NKAIN2: variants seen among roughly 807,000 people sequenced by gnomAD.
NKAIN2 encodes sodium/potassium-transporting ATPase subunit beta-1-interacting protein 2.
Under a neutral mutation model 32.6 loss-of-function variants are expected in NKAIN2, and 14 were observed. The ratio of observed to expected loss-of-function variants is 0.43; its 90% CI spans 0.28 to 0.67. The LOEUF is 0.67. Ranked by LOEUF, NKAIN2 falls within the 30% of genes least tolerant of loss-of-function variation. The pLI is 0.17. For synonymous variants in NKAIN2, 80 were observed against 87.2 expected, an observed-to-expected ratio of 0.92 and a Z score of 0.46; for missense variants, 198 against 258.3, an observed-to-expected ratio of 0.77 and a Z score of 1.60.
At chr6:124,627,126 T>C (rs528527398) in intron 3 of NKAIN2, among the ~76,000 whole-genome samples, 1 of 151,864 alleles carries the variant, frequency 6.6e-6, no homozygotes, top group African/African-American at 2.4e-5. Context: ...AAAAATTAGG[T>C]GGGCATGATG....
intron 1 of NKAIN2, among the ~76,000 whole-genome samples, chr6:124,220,184 G>A (rs2114692137): frequency 6.6e-6 from 1 of 152,184 alleles, no homozygotes; most frequent in Non-Finnish European, 1.5e-5. Flanking sequence ...GAAACTGCTG[G>A]TTTTATAAGG....
At chr6:124,491,586 T>C (rs2114725371) in intron 3 of NKAIN2, among the ~76,000 whole-genome samples, 1 of 151,984 alleles carries the variant, frequency 6.6e-6, no homozygotes, top group Non-Finnish European at 1.5e-5. Flanking sequence ...TGCCCTTTTT[T>C]AGCTTGGCCT....
At chr6:124,700,759 C>A (rs1774737936) in intron 4 of NKAIN2, among the ~76,000 whole-genome samples, 1 of 151,736 alleles carries the variant, frequency 6.6e-6, no homozygotes, top group South Asian at 2.1e-4. Flanking sequence ...AAATTGAGTG[C>A]CCTAATACAG....
At chr6:124,784,685 A>G (rs1329614294) in intron 4 of NKAIN2, among the ~76,000 whole-genome samples, 1 of 152,120 alleles carries the variant, frequency 6.6e-6, no homozygotes, top group East Asian at 1.9e-4. Flanking sequence ...GATGTTATAC[A>G]TATTAGTGTA....
At chr6:124,457,736 C>A (rs1339367743) in intron 3 of NKAIN2, among the ~76,000 whole-genome samples, 2 of 151,902 alleles carry the variant, frequency 1.3e-5, no homozygotes, top group African/African-American at 4.8e-5. Flanking sequence ...CCCACATACT[C>A]ACGTATTCAT....
chr6:124,670,833 AG>A (rs1294952010), intron 4 of NKAIN2, among the ~76,000 whole-genome samples: 2 of 152,072 alleles, frequency 1.3e-5, no homozygotes, highest in Non-Finnish European at 2.9e-5. Flanking sequence ...TCTGCCCATC[AG>A]CTTTGCTTCA....
chr6:124,733,386 A>G (rs1367282307), intron 4 of NKAIN2, among the ~76,000 whole-genome samples: 1 of 151,910 alleles, frequency 6.6e-6, no homozygotes, highest in Non-Finnish European at 1.5e-5. Context: ...GTCTAACTGT[A>G]TTATAGATGT....
At chr6:124,747,554 G>A (rs1010688478) in intron 4 of NKAIN2, among the ~76,000 whole-genome samples, 4 of 151,838 alleles carry the variant, frequency 2.6e-5, no homozygotes, top group South Asian at 2.1e-4. Context: ...AGCTGTAAAC[G>A]TGCCAGGAAA....
intron 1 of NKAIN2, among the ~76,000 whole-genome samples, chr6:124,209,523 CCA>C (rs1791063376): frequency 6.6e-6 from 1 of 151,792 alleles, no homozygotes. Context: ...TGGGGAACCT[CCA>C]CAGTGTTCTC....
At chr6:123,974,086 A>T (rs1451345435) in intron 1 of NKAIN2, among the ~76,000 whole-genome samples, 1 of 152,166 alleles carries the variant, frequency 6.6e-6, no homozygotes, top group East Asian at 1.9e-4. Flanking sequence ...ATACCTGTTC[A>T]TTCATCTACA....
At chr6:124,494,468 C>T (rs910626221) in intron 3 of NKAIN2, among the ~76,000 whole-genome samples, 2 of 152,040 alleles carry the variant, frequency 1.3e-5, no homozygotes, top group African/African-American at 4.8e-5. Context: ...GAATAATTGG[C>T]TTTTATCAAA....
At chr6:123,866,001 G>T (rs1442948856) in intron 1 of NKAIN2, among the ~76,000 whole-genome samples, 3 of 152,118 alleles carry the variant, frequency 2.0e-5, no homozygotes, top group East Asian at 3.9e-4. Context: ...TAGAAAATGC[G>T]TCACTTCCAA....
intron 2 of NKAIN2, among the ~76,000 whole-genome samples, chr6:124,352,739 T>C (rs952066278): frequency 6.6e-6 from 1 of 152,224 alleles, no homozygotes; most frequent in African/African-American, 2.4e-5. Context: ...TTTCTATCTC[T>C]TGTAATCAGT....
At chr6:124,177,625 GT>G (rs1025282546) in intron 1 of NKAIN2, among the ~76,000 whole-genome samples, 4 of 151,660 alleles carry the variant, frequency 2.6e-5, no homozygotes, top group African/African-American at 4.8e-5. Context: ...ATGGTTGAAA[GT>G]TTTTTTTTCC....
At chr6:124,790,382 C>G (rs1455835286) in intron 4 of NKAIN2, among the ~76,000 whole-genome samples, 18 of 151,930 alleles carry the variant, frequency 1.2e-4, no homozygotes, top group Non-Finnish European at 2.2e-4. Context: ...AAGACTGCAG[C>G]TTTTCCTAAT....
intron 1 of NKAIN2, among the ~76,000 whole-genome samples, chr6:124,146,694 C>T: frequency 6.6e-6 from 1 of 152,132 alleles, no homozygotes; most frequent in African/African-American, 2.4e-5. Flanking sequence ...AATAAACACA[C>T]TCATATCTAC....
At chr6:124,690,552 T>C (rs1211601676) in intron 4 of NKAIN2, among the ~76,000 whole-genome samples, 1 of 152,198 alleles carries the variant, frequency 6.6e-6, no homozygotes, top group Non-Finnish European at 1.5e-5. Flanking sequence ...TTAAATATGA[T>C]GTAGCTTTTT....
At chr6:124,728,080 G>T (rs1297884487) in intron 4 of NKAIN2, among the ~76,000 whole-genome samples, 2 of 148,220 alleles carry the variant, frequency 1.3e-5, no homozygotes, top group Non-Finnish European at 3.0e-5. Flanking sequence ...GACCTACAAA[G>T]AGACTTAGAC....
At chr6:124,437,872 ATTTT>A (rs374033234) in intron 3 of NKAIN2, 41 of 342,510 alleles carry the variant, frequency 1.2e-4, no homozygotes, top group East Asian at 1.8e-4. Flanking sequence ...TGATCTATTG[ATTTT>A]TTTTTTTTTT....
Sources: allele counts gnomAD v4.1 joint callset (sites outside exome capture counted in the v4.1 genomes callset), GRCh38; gene constraint gnomAD v4.1.1; transcripts MANE v1.5; gene names NCBI Gene and HGNC (gene_info 2026-07-23, HGNC 2026-07-21).